RNASEH2A: variants seen among roughly 807,000 people sequenced by gnomAD.
RNASEH2A encodes the protein RNase H(35).
In RNASEH2A, 30 loss-of-function variants were observed where a neutral mutation model predicts 32.7. That is an observed-to-expected ratio of 0.92 (90% CI 0.69 to 1.25). The LOEUF (loss-of-function observed/expected upper bound fraction) is 1.25, where lower values mean the gene tolerates loss of function less well. Ranked by LOEUF, RNASEH2A falls within the 50% of genes most tolerant of loss-of-function variation. The pLI is 0.00. For synonymous variants in RNASEH2A, 147 were observed against 165.4 expected (o/e 0.89, Z 0.86); for missense variants, 409 against 398.1 (o/e 1.03, Z -0.23).
At chr19:12,808,103 T>G (rs1031625577) in intron 4 of RNASEH2A, 23 of 160,996 alleles carry the variant, frequency 1.4e-4, no homozygotes, top group Middle Eastern at 6.5e-3. Context: ...ATACAAAAAA[T>G]TAGCCCAGCA....
chr19:12,806,636 T>C lies in RNASEH2A; in HGVS notation c.-38T>C. The C allele has an allele frequency of 6.4e-7, 1 of 1,564,260 alleles. No individual in the cohort carries two copies. The highest frequency in any genetic ancestry group is 8.7e-7 in the Non-Finnish European group (1 of 1,154,302). On this transcript the variant is annotated 5_prime_UTR_variant, in exon 1 of 8. Coordinates refer to ENST00000221486, the MANE Select transcript of RNASEH2A (RefSeq NM_006397.3). ...CGCGCGCCGAGACCCGCTCCTGCAG[T>C]ATTAGTTCTTGCAGCTGGTGGTGGC...
chr19:12,813,146 T>G lies in RNASEH2A; in HGVS notation c.701T>G (p.Val234Gly). 1 of 1,613,968 alleles carries G rather than the reference T, an allele frequency of 6.2e-7. No individual in the cohort carries two copies. The highest frequency in any genetic ancestry group is 8.5e-7 in the Non-Finnish European group (1 of 1,179,976). Residue 234 changes from valine (V) to glycine (G), a missense_variant, in exon 7 of 8, where the codon GTC (valine) becomes GGC (glycine). Transcript: ENST00000221486. ...VEPVFGFPQF[V>G]RFSWRTAQTI... ...CCTGTGTTCGGCTTCCCCCAGTTTG[T>G]CCGGTTCAGCTGGCGCACGGCCCAG...
intron 6 of RNASEH2A, among the ~76,000 whole-genome samples, chr19:12,812,693 C>T (rs1046733908): frequency 1.2e-4 from 19 of 152,016 alleles, no homozygotes; most frequent in Middle Eastern, 3.4e-3. Flanking sequence ...GCCCCAGGTA[C>T]TCAGGAGGAA....
chr19:12,809,499 C>T (rs1356266172), intron 4 of RNASEH2A, among the ~76,000 whole-genome samples: 1 of 152,122 alleles, frequency 6.6e-6, no homozygotes, highest in African/African-American at 2.4e-5. Flanking sequence ...CACCACTACA[C>T]CTAGCTAACT....
intron 6 of RNASEH2A, 120 bp downstream of exon 6, chr19:12,810,524 A>G: frequency 1.0e-6 from 1 of 986,298 alleles, no homozygotes; most frequent in Non-Finnish European, 1.5e-6. Flanking sequence ...TTTTGTTTTT[A>G]TTTGTTATTT....
chr19:12,807,541 C>T, intron 4 of RNASEH2A, 35 bp downstream of exon 4: 1 of 1,556,884 alleles, frequency 6.4e-7, no homozygotes, highest in Non-Finnish European at 8.9e-7. Flanking sequence ...ATTTGGTCAT[C>T]TCAGGATAAA....
Position 12,813,436 on chromosome 19 carries a change from A to T in RNASEH2A, c.870A>T (p.Glu290Asp), listed in dbSNP as rs899885314. 6.2e-7 allele frequency: 1 copy of T among 1,613,922 alleles called. No homozygotes were observed. The highest frequency in any genetic ancestry group is 2.2e-5 in the East Asian group (1 of 44,880). ...RPRSSHRYFL[E>D]RGLESATSL ...GTTCTTCCCACCGATATTTCCTGGA[A>T]CGCGGCCTGGAGTCAGCAACCAGCC... is the stretch of plus-strand genomic sequence containing the variant. Residue 290 changes from glutamate (E) to aspartate (D), a missense_variant, in exon 8 of 8, where the codon GAA becomes GAT. By Grantham distance (45) the Glu-to-Asp change is conservative. Transcript: ENST00000221486.
intron 6 of RNASEH2A, among the ~76,000 whole-genome samples, chr19:12,812,220 C>T (rs1446492964): frequency 1.3e-5 from 2 of 151,736 alleles, no homozygotes; most frequent in Non-Finnish European, 2.9e-5. Context: ...GGTAATAGAG[C>T]GAGACCCTAT....
chr19:12,813,023 G>A, intron 6 of RNASEH2A, 60 bp from the exon 7 acceptor site: 6 of 1,607,544 alleles, frequency 3.7e-6, no homozygotes, highest in Non-Finnish European at 5.1e-6. Flanking sequence ...AAAAAGAGTG[G>A]CAGGGAGCTT....
chr19:12,811,876 A>G (rs928064728), intron 6 of RNASEH2A, among the ~76,000 whole-genome samples: 4 of 150,458 alleles, frequency 2.7e-5, no homozygotes, highest in Non-Finnish European at 4.4e-5. Context: ...GAGATCGCAT[A>G]ATTGCACTCC....
In RNASEH2A at chr19:12,810,406, T is replaced by TA. The variant is rs1168470322; in HGVS notation, c.637+2_637+3insA. 1 of 1,613,542 alleles carries TA rather than the reference T, an allele frequency of 6.2e-7. No homozygotes were observed. The highest frequency in any genetic ancestry group is 1.7e-5 in the Admixed American group (1 of 60,006). On this transcript the variant is annotated splice_region_variant and intron_variant, in intron 6 of 7. Coordinates refer to ENST00000221486, the MANE Select transcript of RNASEH2A (RefSeq NM_006397.3). Reference sequence around the variant, plus strand: ...ATTATGGCTCAGGCTACCCCAATGGTGAGCAGACACGTGACCATGGTACTA... The same window carrying TA: ...ATTATGGCTCAGGCTACCCCAATGGTAGAGCAGACACGTGACCATGGTACTA...
At chr19:12,809,051 G>A (rs1383357280) in intron 4 of RNASEH2A, among the ~76,000 whole-genome samples, 1 of 152,022 alleles carries the variant, frequency 6.6e-6, no homozygotes, top group African/African-American at 2.4e-5. Flanking sequence ...CCTACCCGTA[G>A]GCGTTCAGGG....
chr19:12,806,974 C>T (rs765773096), intron 1 of RNASEH2A, 34 bp from the exon 2 acceptor site: 6 of 1,611,396 alleles, frequency 3.7e-6, no homozygotes, highest in Non-Finnish European at 5.1e-6. Context: ...GATTGGACCC[C>T]GGCTGCCAGA....
In RNASEH2A at chr19:12,807,264, G is replaced by A. The variant is rs1414753414; in HGVS notation, c.258G>A (p.Thr86=). ...RERLFAKMED[T]DFVGWALDVL... ...GGCTGTTTGCGAAAATGGAGGACAC[G>A]GACTTTGTCGGCTGGGCGCTGGATG... is the stretch of plus-strand genomic sequence containing the variant. The change falls in exon 3 of 8, where the codon ACG becomes ACA. Residue 86 remains threonine, a synonymous_variant. Coordinates refer to ENST00000221486, the MANE Select transcript of RNASEH2A (RefSeq NM_006397.3). 2.5e-6 allele frequency: 4 copies of A among 1,614,058 alleles called. No homozygotes were observed. Among genetic ancestry groups the A allele is most frequent in the African/African-American group, 1.3e-5 (1 of 74,918 alleles).
intron 4 of RNASEH2A, 36 bp from the exon 5 acceptor site, chr19:12,810,035 G>C: frequency 6.2e-7 from 1 of 1,613,700 alleles, no homozygotes; most frequent in Non-Finnish European, 8.5e-7. Flanking sequence ...TGGTACAGTT[G>C]TTTGTTCAAT....
Position 12,813,207 on chromosome 19 carries a change from G to A in RNASEH2A, c.761+1G>A. The A allele has an allele frequency of 6.2e-7, 1 of 1,614,056 alleles. No individual in the cohort carries two copies. The highest frequency in any genetic ancestry group is 1.1e-5 in the South Asian group (1 of 91,074). ...AGAAAGAGGCGGAAGATGTTATATG[G>A]TGGGTGTCATGGATGTCCTGGGGGT... On this transcript the variant is annotated splice_donor_variant, in intron 7 of 7. Coordinates refer to ENST00000221486, the MANE Select transcript of RNASEH2A (RefSeq NM_006397.3). LOFTEE classifies it high-confidence loss of function.
In RNASEH2A at chr19:12,806,712, C is replaced by A; in HGVS notation, c.39C>A (p.Arg13=). 1 of 1,570,062 alleles carries A rather than the reference C, an allele frequency of 6.4e-7. No individual in the cohort carries two copies. The highest frequency in any genetic ancestry group is 1.2e-5 in the South Asian group (1 of 85,608). ...LSELERDNTG[R]CRLSSPVPAV... is the part of the protein sequence containing the mutation. Reference sequence around the variant, plus strand: ...AGCTGGAGAGAGACAATACAGGCCGCTGTCGCCTGAGTTCGCCTGTGCCCG... The same window carrying A: ...AGCTGGAGAGAGACAATACAGGCCGATGTCGCCTGAGTTCGCCTGTGCCCG... The change falls in exon 1 of 8, where the codon CGC becomes CGA. Residue 13 remains arginine (R), a synonymous_variant. Transcript: ENST00000221486.
intron 4 of RNASEH2A, among the ~76,000 whole-genome samples, chr19:12,809,577 C>T (rs866423502): frequency 2.0e-5 from 3 of 152,208 alleles, no homozygotes; most frequent in African/African-American, 4.8e-5. Context: ...TGCCCTCAAG[C>T]GATCCTCCCA....
chr19:12,807,782 A>C, intron 4 of RNASEH2A: 1 of 418,882 alleles, frequency 2.4e-6, no homozygotes. Context: ...AAATACAAAA[A>C]TTAGCTGGAC....
Sources: allele counts gnomAD v4.1 joint callset (sites outside exome capture counted in the v4.1 genomes callset), GRCh38; gene constraint gnomAD v4.1.1; transcripts MANE v1.5; gene names NCBI Gene and HGNC (gene_info 2026-07-23, HGNC 2026-07-21).